ORC5: variants seen among roughly 807,000 people sequenced by gnomAD.
The protein encoded by ORC5 is protein phosphatase 1, regulatory subunit 117.
A neutral mutation model predicts 58.8 loss-of-function variants in ORC5; 39 were observed. The observed-to-expected ratio is 0.66, with a 90% CI of 0.51 to 0.87. The LOEUF is 0.87. Ranked by LOEUF, ORC5 falls within the 40% of genes least tolerant of loss-of-function variation. ORC5 has a pLI of 0.00. For synonymous variants in ORC5, 218 were observed against 177.6 expected (o/e 1.23, Z -1.81); for missense variants, 493 against 506.3 (o/e 0.97, Z 0.25).
intron 12 of ORC5, among the ~76,000 whole-genome samples, chr7:104,149,891 C>A (rs1474249913): frequency 6.6e-6 from 1 of 152,138 alleles, no homozygotes; most frequent in East Asian, 1.9e-4. Flanking sequence ...AAACAAAAAT[C>A]TCTTTCTGTG....
intron 12 of ORC5, among the ~76,000 whole-genome samples, chr7:104,158,363 C>G (rs1798963390): frequency 6.6e-6 from 1 of 152,044 alleles, no homozygotes; most frequent in Admixed American, 6.5e-5. Flanking sequence ...GACCTAAAAC[C>G]ATAAAAACCC....
intron 12 of ORC5, among the ~76,000 whole-genome samples, chr7:104,157,718 T>G (rs563548904): frequency 2.6e-5 from 4 of 152,238 alleles, no homozygotes; most frequent in African/African-American, 9.6e-5. Flanking sequence ...CTGAAGAGTT[T>G]ATTTCTAAAA....
chr7:104,168,724 C>T (rs906717072), intron 8 of ORC5, among the ~76,000 whole-genome samples, 199 bp from the exon 9 acceptor site: 1 of 151,846 alleles, frequency 6.6e-6, no homozygotes, highest in Admixed American at 6.6e-5. Flanking sequence ...ATTTATAAAG[C>T]AATACCTAGA....
chr7:104,173,994 G>A (rs920764582), intron 8 of ORC5, among the ~76,000 whole-genome samples: 10 of 151,160 alleles, frequency 6.6e-5, no homozygotes, highest in African/African-American at 1.2e-4. Flanking sequence ...ACAGGCGCCC[G>A]CCACTACGCC....
At chr7:104,155,728 A>G (rs1221170893) in intron 12 of ORC5, among the ~76,000 whole-genome samples, 3 of 151,762 alleles carry the variant, frequency 2.0e-5, no homozygotes, top group African/African-American at 7.2e-5. Flanking sequence ...AGATTTTAAA[A>G]TAAGTGGTAT....
At chr7:104,162,709 C>T (rs991819936) in intron 11 of ORC5, among the ~76,000 whole-genome samples, 2 of 152,132 alleles carry the variant, frequency 1.3e-5, no homozygotes, top group Non-Finnish European at 2.9e-5. Context: ...AATGGACTCA[C>T]CACTCAATTT....
intron 12 of ORC5, among the ~76,000 whole-genome samples, chr7:104,152,253 T>G (rs976422049): frequency 3.9e-5 from 6 of 152,114 alleles, no homozygotes; most frequent in Non-Finnish European, 8.8e-5. Flanking sequence ...ACTCAAGTGA[T>G]CCTCCCACCT....
chr7:104,188,217 C>CACACATAT lies in ORC5; in HGVS notation c.684+33_684+34insATATGTGT, dbSNP rs34389841. The CACACATAT allele has an allele frequency of 8.7e-5, 103 of 1,178,366 alleles. No individual in the cohort carries two copies. In the Admixed American group the frequency reaches 1.4e-3, roughly 16 times the overall value. 73.0% of individuals were successfully genotyped at this position (1,178,366 alleles called of 1,614,324 possible). Reference sequence around the variant, plus strand: ...GTATACACACACACACACACACACACATATATATATATTCAAGCAAAATGT... The same window carrying CACACATAT: ...GTATACACACACACACACACACACACACACATATATATATATATATTCAAGCAAAATGT... On this transcript the variant is annotated intron_variant, in intron 6 of 13. Coordinates refer to ENST00000297431, the MANE Select transcript of ORC5 (RefSeq NM_002553.4).
intron 13 of ORC5, among the ~76,000 whole-genome samples, chr7:104,127,830 G>A: frequency 6.6e-6 from 1 of 152,120 alleles, no homozygotes; most frequent in East Asian, 1.9e-4. Flanking sequence ...TACTGCTTAT[G>A]AAAACACATT....
chr7:104,172,351 G>A (rs1799228825), intron 8 of ORC5, among the ~76,000 whole-genome samples: 1 of 152,150 alleles, frequency 6.6e-6, no homozygotes, highest in Non-Finnish European at 1.5e-5. Context: ...TCCATTCTAT[G>A]ATTTCTAAAA....
chr7:104,205,911 G>A (rs959419953), intron 1 of ORC5, among the ~76,000 whole-genome samples: 1 of 152,194 alleles, frequency 6.6e-6, no homozygotes, highest in African/African-American at 2.4e-5. Flanking sequence ...CGGAGGCTGA[G>A]GTGGGCGGAC....
chr7:104,134,974 G>A (rs775384103), intron 13 of ORC5, among the ~76,000 whole-genome samples: 1 of 152,134 alleles, frequency 6.6e-6, no homozygotes, highest in Non-Finnish European at 1.5e-5. Context: ...CAAGTTCTAT[G>A]TCAAGATTCC....
chr7:104,201,369 A>G (rs983711163), intron 2 of ORC5, among the ~76,000 whole-genome samples: 1 of 152,204 alleles, frequency 6.6e-6, no homozygotes, highest in Non-Finnish European at 1.5e-5. Flanking sequence ...GAGGTGGTAA[A>G]GGCCCTGGTG....
intron 13 of ORC5, among the ~76,000 whole-genome samples, chr7:104,135,931 T>C (rs1207494034): frequency 6.6e-6 from 1 of 152,184 alleles, no homozygotes; most frequent in Non-Finnish European, 1.5e-5. Context: ...ACTCATCACC[T>C]CTTCCATTAC....
chr7:104,197,727 A>C lies in ORC5; in HGVS notation c.439T>G (p.Leu147Val). ...LLPGFLRLQELADRNVTVLFL... is the reference protein window; with the variant it reads ...LLPGFLRLQEVADRNVTVLFL... ...AAGCACTTTCTCACATTACTTACCA[A>C]TTCTTGTAATCTAAGAAATCCAGGC... is the stretch of plus-strand genomic sequence containing the variant. Residue 147 changes from leucine to valine, a missense_variant and splice_region_variant, in exon 4 of 14, where the codon TTG (leucine) becomes GTG (valine). Leu to Val is a conservative substitution (Grantham distance 32). Around this residue, in one of 3 missense-constraint regions of ORC5, gnomAD observed 412 missense variants for 403.7 expected, o/e 1.02. Transcript: ENST00000297431. 6.3e-7 allele frequency: 1 copy of C among 1,593,314 alleles called. No homozygotes were observed. Among genetic ancestry groups the C allele is most frequent in the Admixed American group, 1.7e-5 (1 of 58,384 alleles).
intron 8 of ORC5, among the ~76,000 whole-genome samples, chr7:104,170,308 T>C (rs1799188536): frequency 6.6e-6 from 1 of 152,220 alleles, no homozygotes; most frequent in African/African-American, 2.4e-5. Flanking sequence ...TCCAAATCCC[T>C]AGAACATGTG....
chr7:104,169,410 C>G (rs1204710397), intron 8 of ORC5, among the ~76,000 whole-genome samples: 1 of 152,008 alleles, frequency 6.6e-6, no homozygotes, highest in Non-Finnish European at 1.5e-5. Context: ...GTGATTATGA[C>G]ACGACAAATT....
chr7:104,163,058 C>T (rs915859850), intron 11 of ORC5, among the ~76,000 whole-genome samples: 6 of 152,152 alleles, frequency 3.9e-5, no homozygotes, highest in African/African-American at 1.2e-4. Context: ...TTTATGACTA[C>T]TTAAAAAAAT....
In ORC5 at chr7:104,181,717, GGGA is replaced by G. The variant is rs1405924253; in HGVS notation, c.824+2223_824+2225del. On this transcript the variant is annotated intron_variant, in intron 8 of 13. Transcript: ENST00000297431. ...TGAGGCAGGAGAATGGCGTGAACCC[GGGA>G]GGAGGAGCTTGTAGTGAGCCGAGAT... Among the ~76,000 whole-genome samples, 6 of 151,942 alleles carry G rather than the reference GGGA, an allele frequency of 3.9e-5. No individual in the cohort carries two copies. In the East Asian group the frequency reaches 1.2e-3, roughly 30 times the overall value.
Sources: allele counts gnomAD v4.1 joint callset (sites outside exome capture counted in the v4.1 genomes callset), GRCh38; gene constraint gnomAD v4.1.1; regional missense constraint gnomAD v4.1.1; transcripts MANE v1.5; gene names NCBI Gene and HGNC (gene_info 2026-07-23, HGNC 2026-07-21).